UBASH3B: variants seen among roughly 807,000 people sequenced by gnomAD.
UBASH3B encodes the protein ubiquitin-associated and SH3 domain-containing protein B.
UBASH3B carries 37 observed loss-of-function variants against 83.4 expected under a neutral mutation model. The ratio of observed to expected loss-of-function variants is 0.44; its 90% CI spans 0.34 to 0.58. UBASH3B has a LOEUF of 0.58. Ranked by LOEUF, UBASH3B falls within the 20% of genes least tolerant of loss-of-function variation. UBASH3B has a pLI of 0.01. For synonymous variants in UBASH3B, 304 were observed against 318.3 expected (o/e 0.96, Z 0.48); for missense variants, 657 against 827.2 (o/e 0.79, Z 2.52).
intron 1 of UBASH3B, among the ~76,000 whole-genome samples, chr11:122,689,978 C>G (rs959405625): frequency 6.6e-6 from 1 of 151,646 alleles, no homozygotes; most frequent in African/African-American, 2.4e-5. Context: ...CCCACCAAAC[C>G]CCGCCTTCTT....
At chr11:122,768,377 T>C (rs1860586536) in intron 1 of UBASH3B, among the ~76,000 whole-genome samples, 1 of 152,036 alleles carries the variant, frequency 6.6e-6, no homozygotes, top group South Asian at 2.1e-4. Context: ...TCAAATACCA[T>C]ATTGCAGTCA....
chr11:122,691,900 C>G (rs1015017553), intron 1 of UBASH3B, among the ~76,000 whole-genome samples: 1 of 152,042 alleles, frequency 6.6e-6, no homozygotes, highest in Non-Finnish European at 1.5e-5. Context: ...ATCAGTGCTA[C>G]CCCCAGGCAG....
chr11:122,680,816 G>A (rs1863728875), intron 1 of UBASH3B, among the ~76,000 whole-genome samples: 1 of 152,214 alleles, frequency 6.6e-6, no homozygotes, highest in Admixed American at 6.5e-5. Flanking sequence ...CCAGAGTCCT[G>A]TCTTTTCTCC....
In UBASH3B at chr11:122,717,158, C is replaced by T. The variant is rs532912383; in HGVS notation, c.162-59061C>T. Among the ~76,000 whole-genome samples, 59 of 152,262 alleles carry T rather than the reference C, an allele frequency of 3.9e-4. 1 individual carries two copies. The South Asian group carries it at 0.012, about 31-fold the overall frequency. ...CTGTCCTCTCGCCCCCAGAAAAGTC[C>T]TCAAGTTTTGCCAGACTCCTGGGAG... On this transcript the variant is annotated intron_variant, in intron 1 of 13. Coordinates refer to ENST00000284273, the MANE Select transcript of UBASH3B (RefSeq NM_032873.5).
At chr11:122,725,342 A>AGAGAG (rs1555140845) in intron 1 of UBASH3B, among the ~76,000 whole-genome samples, 10 of 130,780 alleles carry the variant, frequency 7.6e-5, no homozygotes, top group South Asian at 2.4e-4. Context: ...AAAAAAAAAA[A>AGAGAG]AAGAAAAGAA....
At chr11:122,735,769 A>G (rs1407930086) in intron 1 of UBASH3B, among the ~76,000 whole-genome samples, 1 of 152,320 alleles carries the variant, frequency 6.6e-6, no homozygotes, top group Non-Finnish European at 1.5e-5. Context: ...GCAAAGGCAA[A>G]GAAGAAAATG....
At chr11:122,779,038 T>C (rs1444362128) in intron 3 of UBASH3B, among the ~76,000 whole-genome samples, 1 of 152,276 alleles carries the variant, frequency 6.6e-6, no homozygotes, top group Non-Finnish European at 1.5e-5. Flanking sequence ...ATCAGGCATT[T>C]GTGGTGAGAA....
chr11:122,691,213 G>T (rs1395530595), intron 1 of UBASH3B, among the ~76,000 whole-genome samples: 1 of 152,170 alleles, frequency 6.6e-6, no homozygotes, highest in Non-Finnish European at 1.5e-5. Flanking sequence ...TGCCTTTGCC[G>T]GGCCTTTCCT....
intron 1 of UBASH3B, among the ~76,000 whole-genome samples, chr11:122,710,948 TC>T (rs1309551083): frequency 6.6e-6 from 1 of 152,150 alleles, no homozygotes; most frequent in African/African-American, 2.4e-5. Context: ...TTTCAAATCA[TC>T]CCTTTTCATT....
chr11:122,736,664 G>A (rs1860937671), intron 1 of UBASH3B, among the ~76,000 whole-genome samples: 1 of 151,972 alleles, frequency 6.6e-6, no homozygotes, highest in Non-Finnish European at 1.5e-5. Context: ...TGATGAGAAG[G>A]AAAACACACA....
chr11:122,767,293 T>C (rs1047899085), intron 1 of UBASH3B, among the ~76,000 whole-genome samples: 4 of 96,774 alleles, frequency 4.1e-5, no homozygotes, highest in Non-Finnish European at 8.3e-5. Flanking sequence ...TAATCTCTGA[T>C]AGTAAAGGTT....
chr11:122,725,405 A>C (rs1016239325), intron 1 of UBASH3B, among the ~76,000 whole-genome samples: 1 of 151,368 alleles, frequency 6.6e-6, no homozygotes, highest in African/African-American at 2.4e-5. Flanking sequence ...TGTGAGTGCA[A>C]GGTATCTACC....
In UBASH3B at chr11:122,806,490, A is replaced by C. The variant is rs770767901; in HGVS notation, c.1676A>C (p.Glu559Ala). 3 of 1,605,826 alleles carry C rather than the reference A, an allele frequency of 1.9e-6. No homozygotes were observed. In the African/African-American group the frequency reaches 4.0e-5, roughly 22 times the overall value. Residue 559 changes from glutamate to alanine, a missense_variant, in exon 12 of 14, where the codon GAA becomes GCA. Physicochemically the swap from Glu to Ala is moderately radical, Grantham distance 107 (BLOSUM62 -1). Transcript: ENST00000284273. This position sits in a 1 kb window ranked among gnomAD's most constrained non-coding sequence, Gnocchi z 4.0. The part of the protein sequence containing the change: ...YISRSFQVTK[E>A]IISECKSKGN... ...AGTAGAAGTTTCCAAGTAACAAAAG[A>C]AATAATAAGTGAATGTAAAAGTAAA...
In UBASH3B at chr11:122,716,118, G is replaced by A. The variant is rs370183573; in HGVS notation, c.161+59908G>A. 9.8e-5 allele frequency among the ~76,000 whole-genome samples: 15 copies of A among 152,292 alleles called. No individual in the cohort carries two copies. In the East Asian group the frequency reaches 2.1e-3, roughly 22 times the overall value. On this transcript the variant is annotated intron_variant, in intron 1 of 13. Transcript: ENST00000284273. ...CTCTGTGGGGGCAGAAAAACTGCACGGTAGTAGCAGCAAGCTGGGGCTGGT... is the reference window on the plus strand; with the variant it reads ...CTCTGTGGGGGCAGAAAAACTGCACAGTAGTAGCAGCAAGCTGGGGCTGGT...
Position 122,783,088 on chromosome 11 carries a change from G to A in UBASH3B, c.637G>A (p.Val213Met). ...GGAACCTCATAAGAAGCAGCTACAT[G>A]TGACCCTGGCTTACCACTTCCAAGC... ...HVEPHKKQLH[V>M]TLAYHFQASH... Residue 213 changes from valine (V) to methionine (M), a missense_variant, in exon 5 of 14, where the codon GTG (valine) becomes ATG (methionine). By Grantham distance (21) the Val-to-Met change is conservative. This residue lies in a region of UBASH3B where 573 missense variants were observed against 739.0 expected (regional missense o/e 0.78). Transcript: ENST00000284273. 6.2e-7 allele frequency: 1 copy of A among 1,613,900 alleles called. No individual in the cohort carries two copies. Among genetic ancestry groups the A allele is most frequent in the Non-Finnish European group, 8.5e-7 (1 of 1,179,916 alleles).
intron 1 of UBASH3B, among the ~76,000 whole-genome samples, chr11:122,720,185 T>C (rs1427835889): frequency 6.6e-6 from 1 of 152,188 alleles, no homozygotes; most frequent in Non-Finnish European, 1.5e-5. Flanking sequence ...CTCCTATGGA[T>C]GTCAAATAGG....
chr11:122,758,801 C>T lies in UBASH3B; in HGVS notation c.162-17418C>T, dbSNP rs554726032. On this transcript the variant is annotated intron_variant, in intron 1 of 13. Coordinates refer to ENST00000284273, the MANE Select transcript of UBASH3B (RefSeq NM_032873.5). This position sits in a 1 kb window ranked among gnomAD's most constrained non-coding sequence, Gnocchi z 4.2. ...GCGAAATGCAATGAATTCAGATCAG[C>T]AATTTCCACTGGTTATGGGATTGGG... Among the ~76,000 whole-genome samples, 1 of 152,340 alleles carries T rather than the reference C, an allele frequency of 6.6e-6. No homozygotes were observed. Among genetic ancestry groups the T allele is most frequent in the South Asian group, 2.1e-4 (1 of 4,830 alleles).
chr11:122,724,927 G>A (rs1860705510), intron 1 of UBASH3B, among the ~76,000 whole-genome samples: 2 of 151,944 alleles, frequency 1.3e-5, no homozygotes, highest in Non-Finnish European at 1.5e-5. Context: ...CGAAGAACAG[G>A]CTCAAATTTG....
Position 122,801,293 on chromosome 11 carries a change from A to T in UBASH3B, c.1556A>T (p.Glu519Val), listed in dbSNP as rs370521050. The T allele has an allele frequency of 6.5e-5, 105 of 1,614,088 alleles. No homozygotes were observed. Among genetic ancestry groups the T allele is most frequent in the Admixed American group, 3.8e-4 (23 of 60,002 alleles). ...TTACCTGCATGGATACCTCCATCAG[A>T]GTTAGCTGCAGCCAACCTGAGTGTT... is the stretch of plus-strand genomic sequence containing the variant. ...STLPAWIPPS[E>V]LAAANLSVDT... Residue 519 changes from glutamate (E) to valine (V), a missense_variant, in exon 11 of 14, where the codon GAG becomes GTG. By Grantham distance (121) the Glu-to-Val change is moderately radical (BLOSUM62 -2). This residue lies in a region of UBASH3B where 573 missense variants were observed against 739.0 expected (regional missense o/e 0.78). Transcript: ENST00000284273.
Sources: gnomAD v4.1 joint callset for allele counts (sites outside exome capture counted in the v4.1 genomes callset) on GRCh38, gnomAD v4.1.1 for gene constraint, gnomAD v4.1.1 regional missense constraint, Gnocchi (gnomAD v3.1) non-coding constraint, MANE v1.5 for transcripts, NCBI Gene and HGNC (gene_info 2026-07-23, HGNC 2026-07-21) for gene names.